Variants in P2RX6 observed in about 807,000 individuals in gnomAD.
P2RX6 encodes purinergic receptor P2X 6, also known as P2X purinoceptor 6.
P2RX6 carries 62 observed loss-of-function variants against 54.2 expected under a neutral mutation model. The ratio of observed to expected loss-of-function variants is 1.14; its 90% CI spans 0.93 to 1.41. The LOEUF is 1.41. P2RX6 is among the 40% of genes most tolerant of loss of function. The pLI, the probability that P2RX6 is intolerant of heterozygous loss-of-function variation, is 0.00. For missense variants in P2RX6, 541 were observed against 566.3 expected (o/e 0.96, Z 0.45); for synonymous variants, 211 against 231.9 (o/e 0.91, Z 0.82).
chr22:21,024,879 T>TGTGTG (rs1555942103), intron 8 of P2RX6, among the ~76,000 whole-genome samples: 11 of 17,012 alleles, frequency 6.5e-4, no homozygotes, highest in African/African-American at 1.6e-3. Flanking sequence ...TTTTTTTGTG[T>TGTGTG]TTTTTTTTTT....
At chr22:21,015,859 G>A (rs953434399) in intron 1 of P2RX6, 83 bp from the exon 2 acceptor site, 1 of 1,403,216 alleles carries the variant, frequency 7.1e-7, no homozygotes, top group African/African-American at 1.4e-5. Flanking sequence ...GGTGTGGGGG[G>A]AGAACTGAGC....
At chr22:21,022,805 G>T in intron 4 of P2RX6, 54 bp downstream of exon 4, 1 of 1,497,042 alleles carries the variant, frequency 6.7e-7, no homozygotes, top group Non-Finnish European at 9.1e-7. Flanking sequence ...GCCGGGCTGG[G>T]ATCCTGGGTG....
chr22:21,016,327 C>G (rs986346367), intron 2 of P2RX6, among the ~76,000 whole-genome samples: 5 of 151,914 alleles, frequency 3.3e-5, no homozygotes, highest in African/African-American at 1.2e-4. Context: ...GTTGGACGTG[C>G]TGGCTCACGC....
At position 21,023,277 on chromosome 22, in the gene P2RX6, C is replaced by T; in HGVS notation, c.641C>T (p.Ser214Phe). 6.2e-7 allele frequency: 1 copy of T among 1,614,006 alleles called. No homozygotes were observed. The highest frequency in any genetic ancestry group is 8.5e-7 in the Non-Finnish European group (1 of 1,179,884). The change falls in exon 7 of 12, where the codon TCC becomes TTC. Residue 214 changes from serine (S) to phenylalanine (F), a missense_variant and splice_region_variant. By Grantham distance (155) the Ser-to-Phe change is radical (BLOSUM62 -2). This residue lies in a region of P2RX6 where 526 missense variants were observed against 531.5 expected (regional missense o/e 0.99). Transcript: ENST00000413302. ...CTGACCTTTCCCACTCCTCCCAGGT[C>T]CAATGCCTTGGAGACCTGGGACCCC... is the stretch of plus-strand genomic sequence containing the variant. ...VTFSKFNFSKSNALETWDPTY... is the reference protein window; with the variant it reads ...VTFSKFNFSKFNALETWDPTY...
At chr22:21,016,887 G>C (rs1293357229) in intron 2 of P2RX6, among the ~76,000 whole-genome samples, 1 of 152,106 alleles carries the variant, frequency 6.6e-6, no homozygotes. Context: ...CCAGAGCACA[G>C]CTGTCTTCTA....
rs201517686 is a variant in P2RX6, at chr22:21,025,759, G to A, written c.891-46G>A. ...AGGTCTGGCAGGGCCAGCCCCACCT[G>A]GGGGTGGGCAAAGCAGGTCACCAGA... On this transcript the variant is annotated intron_variant, in intron 8 of 11. Transcript: ENST00000413302. 3,553 of 1,424,736 alleles carry A rather than the reference G, an allele frequency of 2.5e-3. 11 individuals carry two copies. Among genetic ancestry groups the A allele is most frequent in the Admixed American group, 4.6e-3 (233 of 50,798 alleles). 88.3% of individuals were successfully genotyped at this position (1,424,736 alleles called of 1,614,324 possible). A position where few individuals can be genotyped will look rare whatever the true frequency, so the allele number is the denominator to read the frequency against.
Position 21,022,762 on chromosome 22 carries a change from G to A in P2RX6, c.463+11G>A, listed in dbSNP as rs200996905. On this transcript the variant is annotated intron_variant, in intron 4 of 11. Coordinates refer to ENST00000413302, the MANE Select transcript of P2RX6 (RefSeq NM_005446.5). ...GCACACACAGCCACGGTAACTGTGG[G>A]CTCTGTCTTCCAGTGCCCCCAGCAG... The A allele has an allele frequency of 4.0e-4, 627 of 1,556,204 alleles. No homozygotes were observed. The highest frequency in any genetic ancestry group is 1.2e-3 in the Admixed American group (64 of 51,286).
In P2RX6 at chr22:21,027,603, A is replaced by G. The variant is rs528331179; in HGVS notation, c.*986A>G. 3 of 152,244 alleles carry G rather than the reference A, an allele frequency of 2.0e-5. No individual in the cohort carries two copies. Among genetic ancestry groups the G allele is most frequent in the Admixed American group, 6.5e-5 (1 of 15,270 alleles). 9.4% of individuals were successfully genotyped at this position (152,244 alleles called of 1,614,324 possible). On this transcript the variant is annotated 3_prime_UTR_variant, in exon 12 of 12. Coordinates refer to ENST00000413302, the MANE Select transcript of P2RX6 (RefSeq NM_005446.5). The stretch of plus-strand genomic sequence containing the variant: ...AATGGTTCCAAACAACACCACCGAG[A>G]TCTCCCTCAGGCTGGCCAGGTTTTG...
At chr22:21,024,976 G>T (rs1252841078) in intron 8 of P2RX6, among the ~76,000 whole-genome samples, 1 of 149,158 alleles carries the variant, frequency 6.7e-6, no homozygotes, top group Admixed American at 6.8e-5. Context: ...TGCCTCTCGG[G>T]TTCAAGCAAT....
At chr22:21,011,647 TC>T (rs1925743290), upstream of P2RX6, 5 of 639,928 alleles carry the variant, frequency 7.8e-6, no homozygotes, top group South Asian at 3.2e-5. Context: ...ACCACCCCCC[TC>T]CCCCCTCTTC....
Position 21,015,999 on chromosome 22 carries a change from C to T in P2RX6, c.222C>T (p.Ser74=). Residue 74 remains serine (S), a synonymous_variant, in exon 2 of 12, where the codon TCC becomes TCT. Transcript: ENST00000413302. ...YQERDLEPQF[S]IITKLKGVSV... ...AGCGGGACCTGGAACCCCAGTTTTC[C>T]ATCATCACCAAACTCAAAGGGGTTT... The T allele has an allele frequency of 6.4e-7, 1 of 1,550,944 alleles. No individual in the cohort carries two copies. The highest frequency in any genetic ancestry group is 8.7e-7 in the Non-Finnish European group (1 of 1,147,566).
rs1320025837 is a variant in P2RX6, at chr22:21,026,179, G to A, written c.1051-73G>A. On this transcript the variant is annotated intron_variant, in intron 10 of 11. Transcript: ENST00000413302. The surrounding 1 kb of genome is among the most constrained non-coding windows in gnomAD (Gnocchi z 4.0). ...CTCCGGTGCCTGCACATTGAGTCTC[G>A]GGGTGCAGGCTGGGGAGGTGGCAGG... 3.9e-6 allele frequency: 6 copies of A among 1,527,000 alleles called. No individual in the cohort carries two copies. The highest frequency in any genetic ancestry group is 3.8e-5 in the Admixed American group (2 of 52,072). 94.6% of individuals were successfully genotyped at this position (1,527,000 alleles called of 1,614,324 possible).
At chr22:21,022,539 G>A (rs961729277) in intron 3 of P2RX6, 137 bp from the exon 4 acceptor site, 11 of 588,904 alleles carry the variant, frequency 1.9e-5, no homozygotes, top group African/African-American at 5.7e-5. Context: ...AGGGTACTCT[G>A]GCGGCGGGGT....
At chr22:21,020,395 C>T (rs1357248759) in intron 3 of P2RX6, among the ~76,000 whole-genome samples, 1 of 152,010 alleles carries the variant, frequency 6.6e-6, no homozygotes, top group Non-Finnish European at 1.5e-5. Flanking sequence ...TTTATAGTGT[C>T]ACCTCCCTCA....
chr22:21,026,838 T>A lies in P2RX6; in HGVS notation c.*221T>A. 1.1e-6 allele frequency: 1 copy of A among 928,576 alleles called. No homozygotes were observed. The highest frequency in any genetic ancestry group is 1.6e-6 in the Non-Finnish European group (1 of 641,128). 57.5% of individuals were successfully genotyped at this position (928,576 alleles called of 1,614,324 possible). On this transcript the variant is annotated 3_prime_UTR_variant, in exon 12 of 12. Transcript: ENST00000413302. The surrounding 1 kb of genome is among the most constrained non-coding windows in gnomAD (Gnocchi z 4.0). ...GCGACAGAACCTGACCCGTGGAGACTGGGAGAGCCCAGCAGGCACCTGTAT... is the reference window on the plus strand; with the variant it reads ...GCGACAGAACCTGACCCGTGGAGACAGGGAGAGCCCAGCAGGCACCTGTAT...
At position 21,016,058 on chromosome 22, in the gene P2RX6, T is replaced by A. The variant is rs1352256109; in HGVS notation, c.281T>A (p.Leu94Gln). 23 of 1,563,286 alleles carry A rather than the reference T, an allele frequency of 1.5e-5. No individual in the cohort carries two copies. The highest frequency in any genetic ancestry group is 2.0e-5 in the Non-Finnish European group (23 of 1,154,604). The change falls in exon 2 of 12, where the codon CTG becomes CAG. Residue 94 changes from leucine (L) to glutamine (Q), a missense_variant. Leu to Gln is a moderately radical substitution (Grantham distance 113, BLOSUM62 -2). Transcript: ENST00000413302. ...CAGATCAAGGAGCTTGGAAACCGGC[T>A]GTGGGATGTGGCCGACTTCGTGAAG... is the stretch of plus-strand genomic sequence containing the variant. ...VTQIKELGNR[L>Q]WDVADFVKPP...
rs1003005756 is a variant in P2RX6 at position 21,026,603 on chromosome 22, T to A, written c.1312T>A (p.Ser438Thr). ...PSSDTHLPTH[S>T]GSL ...TTCTGACACCCACTTGCCAACCCAT[T>A]CCGGGAGCCTGTAGCCGTTCCCTGC... The change falls in exon 12 of 12, where the codon TCC (serine) becomes ACC (threonine). Residue 438 changes from serine (S) to threonine (T), a missense_variant. This residue lies in a region of P2RX6 where 526 missense variants were observed against 531.5 expected (regional missense o/e 0.99). Transcript: ENST00000413302. This position sits in a 1 kb window ranked among gnomAD's most constrained non-coding sequence, Gnocchi z 4.0. 1 of 1,583,994 alleles carries A rather than the reference T, an allele frequency of 6.3e-7. No individual in the cohort carries two copies. The highest frequency in any genetic ancestry group is 8.6e-7 in the Non-Finnish European group (1 of 1,166,524).
At chr22:21,020,957 G>C (rs997724182) in intron 3 of P2RX6, among the ~76,000 whole-genome samples, 1 of 152,074 alleles carries the variant, frequency 6.6e-6, no homozygotes, top group Non-Finnish European at 1.5e-5. Context: ...TCGACACAGA[G>C]GGGGCTTGGT....
At chr22:21,017,761 G>T (rs999555831) in intron 2 of P2RX6, among the ~76,000 whole-genome samples, 2 of 152,142 alleles carry the variant, frequency 1.3e-5, no homozygotes, top group Admixed American at 1.3e-4. Flanking sequence ...TTTTGGTTGA[G>T]ACAAGAGACT....
Sources: gnomAD v4.1 joint callset for allele counts (sites outside exome capture counted in the v4.1 genomes callset) on GRCh38, gnomAD v4.1.1 for gene constraint, gnomAD v4.1.1 regional missense constraint, Gnocchi (gnomAD v3.1) non-coding constraint, MANE v1.5 for transcripts, NCBI Gene and HGNC (gene_info 2026-07-23, HGNC 2026-07-21) for gene names.